The following SATL1 variants were observed in gnomAD, a reference collection of about 807,000 sequenced individuals.
SATL1 encodes spermidine/spermine N(1)-acetyltransferase-like protein 1.
A neutral mutation model predicts 51.8 loss-of-function variants in SATL1; 47 were observed. The observed-to-expected ratio is 0.91, with a 90% confidence interval of 0.72 to 1.16. The LOEUF (loss-of-function observed/expected upper bound fraction) is 1.16. SATL1 is among the 50% of genes most tolerant of loss of function. The probability of loss-of-function intolerance (pLI) is 0.00; values close to 1 mark genes in which losing one functional copy is unlikely to be tolerated. For synonymous variants in SATL1, 176 were observed against 182.4 expected (o/e 0.97, Z 0.28); for missense variants, 520 against 526.4 (o/e 0.99, Z 0.12).
In SATL1 at chrX:85,107,889, G is replaced by A. The variant is rs1387761404; in HGVS notation, c.1080C>T (p.Gly360=). ...GPPQRAPSQS[G]PRQSSTSQAG... ...CTTGGCTCGTGCTTGATTGTCTGGG[G>A]CCTGATTGGCTTGGGGCTCGTTGCG... Residue 360 remains glycine (G), a synonymous_variant, in exon 3 of 8, where the codon GGC becomes GGT. Transcript: ENST00000644105. The A allele has an allele frequency of 1.8e-5, 22 of 1,209,182 alleles. No homozygotes were observed. The highest frequency in any genetic ancestry group is 3.5e-5 in the African/African-American group (2 of 56,856).
intron 3 of SATL1, among the ~76,000 whole-genome samples, chrX:85,105,973 G>C (rs1925029661): frequency 8.9e-6 from 1 of 111,891 alleles, no homozygotes; most frequent in Admixed American, 9.5e-5. Context: ...AAACCCTTCA[G>C]ATAGTTTCAT....
intron 2 of SATL1, among the ~76,000 whole-genome samples, chrX:85,138,450 G>T (rs1261881452): frequency 1.8e-5 from 2 of 111,651 alleles, no homozygotes; most frequent in Non-Finnish European, 3.8e-5. Flanking sequence ...TTGGTAGTAA[G>T]GTATTGAAAG....
At chrX:85,196,454 C>T (rs975067643) in intron 2 of SATL1, among the ~76,000 whole-genome samples, 1 of 111,273 alleles carries the variant, frequency 9.0e-6, no homozygotes, top group African/African-American at 3.3e-5. Flanking sequence ...TTTTGCAGTA[C>T]ACTGTGATGC....
chrX:85,172,520 G>A (rs1252691842), intron 2 of SATL1, among the ~76,000 whole-genome samples: 1 of 110,791 alleles, frequency 9.0e-6, no homozygotes, highest in African/African-American at 3.3e-5. Flanking sequence ...AGAGGCAAAG[G>A]AAAGTGCTTT....
At chrX:85,225,375 A>G (rs766893642) in intron 1 of SATL1, among the ~76,000 whole-genome samples, 1 of 112,565 alleles carries the variant, frequency 8.9e-6, no homozygotes, top group African/African-American at 3.2e-5. Context: ...AAACCGGGTA[A>G]ATGGTACATG....
chrX:85,167,259 G>T (rs764887510), intron 2 of SATL1, among the ~76,000 whole-genome samples: 19 of 103,110 alleles, frequency 1.8e-4, no homozygotes, highest in African/African-American at 6.4e-4. Context: ...GATGGGGGGG[G>T]GGTTGATGAG....
chrX:85,218,162 G>A (rs1452980456), intron 2 of SATL1, among the ~76,000 whole-genome samples: 1 of 104,868 alleles, frequency 9.5e-6, no homozygotes, highest in Non-Finnish European at 2.0e-5. Flanking sequence ...CCCACCAATT[G>A]GGTACTATGC....
At chrX:85,155,355 T>C (rs900150831) in intron 2 of SATL1, among the ~76,000 whole-genome samples, 3 of 111,092 alleles carry the variant, frequency 2.7e-5, no homozygotes, top group African/African-American at 9.8e-5. Flanking sequence ...ATTCCAATCT[T>C]TCTCTTCCTC....
chrX:85,226,240 C>T (rs918086815), intron 1 of SATL1, among the ~76,000 whole-genome samples: 5 of 111,122 alleles, frequency 4.5e-5, no homozygotes, highest in Non-Finnish European at 9.4e-5. Context: ...ATATTCCTTT[C>T]ACCTACTTGC....
intron 2 of SATL1, among the ~76,000 whole-genome samples, chrX:85,133,992 T>C (rs762096040): frequency 8.9e-6 from 1 of 111,924 alleles, no homozygotes; most frequent in Admixed American, 9.5e-5. Flanking sequence ...CTGAAAGAAA[T>C]ACACATTTTA....
intron 2 of SATL1, chrX:85,208,860 T>C (rs1251856970): frequency 4.5e-5 from 5 of 112,143 alleles, no homozygotes; most frequent in East Asian, 2.8e-4. Context: ...CTGTTCACTC[T>C]GATGGTAATT....
At chrX:85,240,771 A>C (rs1985626) in intron 1 of SATL1, among the ~76,000 whole-genome samples, 13,839 of 108,341 alleles carry the variant, frequency 0.13, 706 homozygotes, top group South Asian at 0.17. Context: ...TATTGTTTGA[A>C]GCTCCTATGT....
At chrX:85,144,331 T>A (rs1926180261) in intron 2 of SATL1, among the ~76,000 whole-genome samples, 1 of 111,826 alleles carries the variant, frequency 8.9e-6, no homozygotes, top group African/African-American at 3.3e-5. Context: ...TGTCATATTT[T>A]ACATTAGGAA....
At chrX:85,174,253 T>C (rs777085421) in intron 2 of SATL1, among the ~76,000 whole-genome samples, 1 of 110,509 alleles carries the variant, frequency 9.0e-6, no homozygotes, top group African/African-American at 3.3e-5. Context: ...TGTTTCTTTA[T>C]AGCAGCAATA....
At position 85,167,459 on chromosome X, in the gene SATL1, C is replaced by T. The variant is rs140709853; in HGVS notation, c.-313+56746G>A. ...ATTAAAAATGACAAATGAGATATTA[C>T]CACTGATGTCACAGATATACAAATA... is the stretch of plus-strand genomic sequence containing the variant. On this transcript the variant is annotated intron_variant, in intron 2 of 7. Transcript: ENST00000644105. Among the ~76,000 whole-genome samples the T allele has an allele frequency of 9.3e-3, 1,032 of 110,865 alleles. 5 individuals are homozygous for T. Among genetic ancestry groups the T allele is most frequent in the Middle Eastern group, 0.018 (4 of 217 alleles).
chrX:85,197,647 C>G (rs1236298927), intron 2 of SATL1, among the ~76,000 whole-genome samples: 3 of 103,209 alleles, frequency 2.9e-5, no homozygotes, highest in Non-Finnish European at 4.0e-5. Context: ...TCCCTCCCCC[C>G]TCCCCACACC....
Position 85,125,294 on chromosome X carries a change from AGAG to A in SATL1, c.-312-16017_-312-16015del, listed in dbSNP as rs200600475. On this transcript the variant is annotated intron_variant, in intron 2 of 7. Transcript: ENST00000644105. ...TGAAAAAGTACAATAAGTACCATGA[AGAG>A]GAACCACAGGATGGTATGAGAGAGT... 9.6e-3 allele frequency among the ~76,000 whole-genome samples: 1,065 copies of A among 110,751 alleles called. 17 individuals are homozygous for A. Among genetic ancestry groups the A allele is most frequent in the African/African-American group, 0.033 (1,012 of 30,470 alleles).
At chrX:85,113,327 C>T (rs1481044992) in intron 2 of SATL1, among the ~76,000 whole-genome samples, 1 of 110,860 alleles carries the variant, frequency 9.0e-6, no homozygotes, top group Non-Finnish European at 1.9e-5. Context: ...GCAGATAGCT[C>T]AAAAAAATCC....
intron 2 of SATL1, among the ~76,000 whole-genome samples, chrX:85,154,867 T>G (rs1926548304): frequency 8.9e-6 from 1 of 112,402 alleles, no homozygotes; most frequent in Admixed American, 9.4e-5. Context: ...AAATTTTATA[T>G]TGGTAAATTC....
Sources: gnomAD v4.1 joint callset for allele counts (sites outside exome capture counted in the v4.1 genomes callset) on GRCh38, gnomAD v4.1.1 for gene constraint, MANE v1.5 for transcripts, NCBI Gene and HGNC (gene_info 2026-07-23, HGNC 2026-07-21) for gene names.